Variants in ACSM1 observed in about 807,000 individuals in gnomAD.
The protein encoded by ACSM1 is acyl-CoA synthetase medium chain family member 1, also known as acyl-coenzyme A synthetase ACSM1, mitochondrial.
A neutral mutation model predicts 75.8 loss-of-function variants in ACSM1; 79 were observed. That is an observed-to-expected ratio of 1.04 (90% CI 0.87 to 1.26). The LOEUF (loss-of-function observed/expected upper bound fraction) is 1.26. ACSM1 is among the 50% of genes most tolerant of loss of function. The pLI is 0.00. For synonymous variants in ACSM1, 279 were observed against 265.8 expected (o/e 1.05, Z -0.48); for missense variants, 676 against 720.1 (o/e 0.94, Z 0.70).
At chr16:20,641,620 G>C (rs1305654139) in intron 7 of ACSM1, among the ~76,000 whole-genome samples, 1 of 152,202 alleles carries the variant, frequency 6.6e-6, no homozygotes, top group African/African-American at 2.4e-5. Flanking sequence ...TAAATAGCAT[G>C]GGCTCCCAGG....
chr16:20,655,751 C>T (rs1333179328), intron 7 of ACSM1, among the ~76,000 whole-genome samples: 1 of 152,176 alleles, frequency 6.6e-6, no homozygotes, highest in Non-Finnish European at 1.5e-5. Flanking sequence ...CAACCTCCAG[C>T]TCCTGGGTTC....
chr16:20,633,344 A>T (rs1470621032), intron 10 of ACSM1, among the ~76,000 whole-genome samples: 1 of 152,236 alleles, frequency 6.6e-6, no homozygotes, highest in African/African-American at 2.4e-5. Flanking sequence ...CCATACACAC[A>T]CAAAAACTCA....
intron 1 of ACSM1, among the ~76,000 whole-genome samples, chr16:20,694,229 A>G (rs1461200941): frequency 6.6e-6 from 1 of 152,244 alleles, no homozygotes; most frequent in Non-Finnish European, 1.5e-5. Flanking sequence ...GTCCCGTTCC[A>G]GCCAGTGGAA....
rs774605772 is a variant in ACSM1, at chr16:20,682,412, T to C, written c.455A>G (p.Tyr152Cys). 27 of 1,613,788 alleles carry C rather than the reference T, an allele frequency of 1.7e-5. No homozygotes were observed. Among genetic ancestry groups the C allele is most frequent in the Non-Finnish European group, 1.5e-5 (18 of 1,179,894 alleles). ...CTTGGCTTTAGACAACTGTAGTCGA[T>C]AGAGAATGTCTTTGGCCTTCAACAG... ...TILLKAKDIL[Y>C]RLQLSKAKGI... Residue 152 changes from tyrosine (Y) to cysteine (C), a missense_variant, in exon 4 of 14, where the codon TAT becomes TGT. Physicochemically the swap from Tyr to Cys is radical, Grantham distance 194. Coordinates refer to ENST00000520010, the MANE Select transcript of ACSM1 (RefSeq NM_001318890.3).
intron 6 of ACSM1, among the ~76,000 whole-genome samples, chr16:20,664,033 T>C (rs558603496): frequency 6.6e-6 from 1 of 152,204 alleles, no homozygotes; most frequent in South Asian, 2.1e-4. Context: ...CAGCTTTCAG[T>C]AGGGGTGTGG....
At chr16:20,677,218 A>T (rs1229100442) in intron 4 of ACSM1, among the ~76,000 whole-genome samples, 1 of 141,264 alleles carries the variant, frequency 7.1e-6, no homozygotes, top group African/African-American at 2.6e-5. Flanking sequence ...GAAGACTTTT[A>T]AAGAAATTAA....
chr16:20,680,446 T>C (rs2079417414), intron 4 of ACSM1: 1 of 152,238 alleles, frequency 6.6e-6, no homozygotes, highest in Non-Finnish European at 1.5e-5. Flanking sequence ...CTTAGGAATT[T>C]CCTCATGCTA....
intron 8 of ACSM1, among the ~76,000 whole-genome samples, chr16:20,638,292 C>G (rs556672913): frequency 1.3e-5 from 2 of 152,146 alleles, no homozygotes; most frequent in Admixed American, 6.5e-5. Flanking sequence ...AGGCACACAC[C>G]ACGTGTTCAA....
chr16:20,654,961 T>C (rs2018866484), intron 7 of ACSM1, among the ~76,000 whole-genome samples: 1 of 152,080 alleles, frequency 6.6e-6, no homozygotes, highest in Non-Finnish European at 1.5e-5. Context: ...ATGTTTATTG[T>C]GGCACTATTC....
At chr16:20,637,224 C>A in intron 9 of ACSM1, 147 bp downstream of exon 9, 1 of 805,762 alleles carries the variant, frequency 1.2e-6, no homozygotes, top group Non-Finnish European at 2.2e-6. Context: ...CAACTGAGGC[C>A]TCCATATGAA....
chr16:20,681,949 G>C, intron 4 of ACSM1: 1 of 251,046 alleles, frequency 4.0e-6, no homozygotes, highest in Non-Finnish European at 7.9e-6. Context: ...ATAAACTCAA[G>C]TTGTAAAACA....
Position 20,625,537 on chromosome 16 carries a change from GT to G in ACSM1, c.1428-16del. The G allele has an allele frequency of 6.2e-7, 1 of 1,611,444 alleles. No homozygotes were observed. The highest frequency in any genetic ancestry group is 8.5e-7 in the Non-Finnish European group (1 of 1,178,312). On this transcript the variant is annotated splice_polypyrimidine_tract_variant and intron_variant, in intron 11 of 13. Transcript: ENST00000520010. ...CGATGCGATACCTGGAGGATGAAGG[GT>G]TCTGAGGCAGATGCCAGGGCTGGGG...
chr16:20,644,057 T>C (rs1454921139), intron 7 of ACSM1, among the ~76,000 whole-genome samples: 1 of 152,224 alleles, frequency 6.6e-6, no homozygotes, highest in African/African-American at 2.4e-5. Flanking sequence ...AGAGCACTAA[T>C]TGGTGCATTT....
At chr16:20,685,476 C>A in intron 2 of ACSM1, 73 bp from the exon 3 acceptor site, 1 of 1,372,978 alleles carries the variant, frequency 7.3e-7, no homozygotes, top group Non-Finnish European at 1.0e-6. Context: ...TAATCCACAG[C>A]CATAGTCACG....
intron 7 of ACSM1, among the ~76,000 whole-genome samples, chr16:20,659,048 T>A (rs1021674097): frequency 1.3e-5 from 2 of 152,150 alleles, no homozygotes; most frequent in African/African-American, 4.8e-5. Context: ...TTCTTGTAAA[T>A]GTTATGCCAG....
At chr16:20,653,810 G>A (rs231923) in intron 7 of ACSM1, among the ~76,000 whole-genome samples, 12,270 of 152,146 alleles carry the variant, frequency 0.081, 620 homozygotes, top group East Asian at 0.21. Context: ...AATCAATATC[G>A]TGAAAATGGC....
At chr16:20,696,740 T>C (rs1853690200) in intron 1 of ACSM1, among the ~76,000 whole-genome samples, 2 of 152,228 alleles carry the variant, frequency 1.3e-5, no homozygotes, top group African/African-American at 4.8e-5. Context: ...TATTCCCAGA[T>C]ACATAGTGCC....
intron 4 of ACSM1, among the ~76,000 whole-genome samples, chr16:20,672,497 A>ATATATATAT (rs1274005290): frequency 4.8e-4 from 54 of 112,736 alleles, no homozygotes; most frequent in East Asian, 2.1e-3. Flanking sequence ...TATATATATA[A>ATATATATAT]AAAACATATT....
rs566370720 is a variant in ACSM1 at position 20,697,324 on chromosome 16, A to C, written c.-52+312T>G. Among the ~76,000 whole-genome samples the C allele has an allele frequency of 3.3e-5, 5 of 152,134 alleles. No homozygotes were observed. The East Asian group carries it at 9.7e-4, about 29-fold the overall frequency. On this transcript the variant is annotated intron_variant, in intron 1 of 13. Coordinates refer to ENST00000520010, the MANE Select transcript of ACSM1 (RefSeq NM_001318890.3). ...GATTTCCTTCAAACATTCATCTCTG[A>C]CTTTGTGCCTGTCTCCCACGGCTCA...
Sources: allele counts gnomAD v4.1 joint callset (sites outside exome capture counted in the v4.1 genomes callset), GRCh38; gene constraint gnomAD v4.1.1; transcripts MANE v1.5; gene names NCBI Gene and HGNC (gene_info 2026-07-23, HGNC 2026-07-21).